TSNARE1: variants seen among roughly 807,000 people sequenced by gnomAD.
TSNARE1 encodes the protein t-SNARE domain-containing protein 1.
In TSNARE1, 49 loss-of-function variants were observed where a neutral mutation model predicts 62.0. That is an observed-to-expected ratio of 0.79 (90% CI 0.63 to 1.00). TSNARE1 has a LOEUF of 1.00. TSNARE1 is among the 50% of genes least tolerant of loss of function. TSNARE1 has a pLI of 0.00. For missense variants in TSNARE1, 755 were observed against 700.1 expected (o/e 1.08, Z -0.88); for synonymous variants, 328 against 294.4 (o/e 1.11, Z -1.17).
At chr8:142,251,124 C>T (rs928016884) in intron 12 of TSNARE1, among the ~76,000 whole-genome samples, 2 of 152,126 alleles carry the variant, frequency 1.3e-5, no homozygotes, top group African/African-American at 4.8e-5. Flanking sequence ...CCAGAGTCAC[C>T]GGGCAGGCAA....
chr8:142,308,063 C>T (rs897759547), intron 9 of TSNARE1, among the ~76,000 whole-genome samples: 17 of 152,158 alleles, frequency 1.1e-4, no homozygotes, highest in Non-Finnish European at 2.1e-4. Context: ...AGCTGCTGTC[C>T]TTTCATTGTT....
chr8:142,357,581 G>A (rs971333229), intron 1 of TSNARE1, among the ~76,000 whole-genome samples: 42 of 152,306 alleles, frequency 2.8e-4, no homozygotes, highest in African/African-American at 9.1e-4. Flanking sequence ...GGATTGGCAC[G>A]GAACCCAGGG....
intron 1 of TSNARE1, among the ~76,000 whole-genome samples, chr8:142,376,519 G>T (rs143159525): frequency 3.3e-5 from 5 of 152,168 alleles, no homozygotes; most frequent in Non-Finnish European, 4.4e-5. Flanking sequence ...ACAGCAAGAC[G>T]TCAGCGGCCT....
intron 1 of TSNARE1, among the ~76,000 whole-genome samples, chr8:142,364,416 A>G (rs1190043618): frequency 1.3e-5 from 2 of 152,192 alleles, no homozygotes; most frequent in South Asian, 2.1e-4. Flanking sequence ...ACACAGGCAC[A>G]CTCATTTACA....
chr8:142,284,405 G>A lies in TSNARE1; in HGVS notation c.1363+8C>T, dbSNP rs749044983. 9.9e-6 allele frequency: 16 copies of A among 1,611,984 alleles called. No individual in the cohort carries two copies. Among genetic ancestry groups the A allele is most frequent in the Non-Finnish European group, 1.3e-5 (15 of 1,179,100 alleles). On this transcript the variant is annotated splice_region_variant and intron_variant, in intron 11 of 13. Coordinates refer to ENST00000524325, the MANE Select transcript of TSNARE1 (RefSeq NM_145003.5). Reference sequence around the variant, plus strand: ...AGCAGGTGGCCCGAGGCTGGGGCGGGTACCCACCAACAGCTTCTCCTTGCT... The same window carrying A: ...AGCAGGTGGCCCGAGGCTGGGGCGGATACCCACCAACAGCTTCTCCTTGCT...
At chr8:142,364,625 T>TA (rs1165746560) in intron 1 of TSNARE1, among the ~76,000 whole-genome samples, 2 of 152,018 alleles carry the variant, frequency 1.3e-5, no homozygotes, top group African/African-American at 4.8e-5. Flanking sequence ...CCCAGGAAAG[T>TA]AAAAGATAAG....
chr8:142,362,743 G>T (rs546321402), intron 1 of TSNARE1, among the ~76,000 whole-genome samples: 34 of 152,168 alleles, frequency 2.2e-4, no homozygotes, highest in Non-Finnish European at 4.7e-4. Context: ...TCACACCACA[G>T]CACAGTCCCA....
At chr8:142,359,659 C>T (rs901076751) in intron 1 of TSNARE1, among the ~76,000 whole-genome samples, 4 of 152,202 alleles carry the variant, frequency 2.6e-5, no homozygotes, top group Admixed American at 6.5e-5. Context: ...ACCCAGAGCC[C>T]GCCTGCCTCA....
At chr8:142,290,332 G>A (rs750517888) in intron 10 of TSNARE1, among the ~76,000 whole-genome samples, 4 of 152,238 alleles carry the variant, frequency 2.6e-5, no homozygotes, top group Admixed American at 1.3e-4. Flanking sequence ...GCCAGAGGGC[G>A]GGAGAGCGGG....
chr8:142,231,043 C>A (rs1283021226), intron 12 of TSNARE1, among the ~76,000 whole-genome samples: 2 of 152,198 alleles, frequency 1.3e-5, no homozygotes, highest in Admixed American at 6.5e-5. Context: ...ACCTATCCAT[C>A]CATCCATCCA....
chr8:142,239,638 T>C (rs1817592830), intron 12 of TSNARE1, among the ~76,000 whole-genome samples: 1 of 152,264 alleles, frequency 6.6e-6, no homozygotes, highest in Non-Finnish European at 1.5e-5. Flanking sequence ...CAGGTGCATC[T>C]GAATTCCATC....
At chr8:142,284,557 C>T (rs1195687229) in intron 10 of TSNARE1, 72 bp from the exon 11 acceptor site, 1 of 1,289,528 alleles carries the variant, frequency 7.8e-7, no homozygotes, top group Non-Finnish European at 1.1e-6. Flanking sequence ...TGAAAGTTTC[C>T]CATGGAACCT....
At chr8:142,312,721 A>T (rs12679205) in intron 9 of TSNARE1, among the ~76,000 whole-genome samples, 11,382 of 151,734 alleles carry the variant, frequency 0.075, 646 homozygotes, top group East Asian at 0.32. Flanking sequence ...CAAGGGGAAA[A>T]CGGACCGAGT....
At chr8:142,377,907 G>T (rs1054434344) in intron 1 of TSNARE1, among the ~76,000 whole-genome samples, 5 of 152,238 alleles carry the variant, frequency 3.3e-5, no homozygotes, top group Admixed American at 2.0e-4. Flanking sequence ...TCTCTAACCA[G>T]GGTCTATACA....
intron 13 of TSNARE1, among the ~76,000 whole-genome samples, chr8:142,226,919 C>A (rs995383085): frequency 2.6e-5 from 4 of 152,038 alleles, no homozygotes; most frequent in African/African-American, 9.7e-5. Flanking sequence ...ACAAGTCCCC[C>A]ACTGCACCCA....
chr8:142,272,963 T>C, intron 12 of TSNARE1: 1 of 985,414 alleles, frequency 1.0e-6, no homozygotes, highest in Non-Finnish European at 1.2e-6. Flanking sequence ...CATCCCTCCC[T>C]GATACTCCCT....
At chr8:142,282,454 T>C (rs1821690890) in intron 11 of TSNARE1, among the ~76,000 whole-genome samples, 1 of 151,574 alleles carries the variant, frequency 6.6e-6, no homozygotes, top group Non-Finnish European at 1.5e-5. Flanking sequence ...TGTCTATCAA[T>C]GAGCAAAGGG....
intron 12 of TSNARE1, among the ~76,000 whole-genome samples, chr8:142,244,686 G>A (rs1488697559): frequency 6.6e-6 from 1 of 152,228 alleles, no homozygotes; most frequent in East Asian, 1.9e-4. Context: ...GGGAGGTGGA[G>A]GCCAGCCCAA....
chr8:142,272,646 A>C, intron 12 of TSNARE1: 1 of 365,110 alleles, frequency 2.7e-6, no homozygotes, highest in Non-Finnish European at 3.2e-6. Flanking sequence ...CCGCCCATCT[A>C]GAGGCCCCTC....
Sources: allele counts gnomAD v4.1 joint callset (sites outside exome capture counted in the v4.1 genomes callset), GRCh38; gene constraint gnomAD v4.1.1; transcripts MANE v1.5; gene names NCBI Gene and HGNC (gene_info 2026-07-23, HGNC 2026-07-21).